Variants in RPS6KC1 observed in about 807,000 individuals in gnomAD.
RPS6KC1 encodes inactive ribosomal protein S6 kinase delta-1.
In RPS6KC1, 54 loss-of-function variants were observed where a neutral mutation model predicts 103.8. The ratio of observed to expected loss-of-function variants is 0.52; its 90% CI spans 0.42 to 0.65. RPS6KC1 has a LOEUF of 0.65. Among genes scored for constraint, RPS6KC1 ranks in the 30% least tolerant of loss-of-function variants. The probability of loss-of-function intolerance (pLI) is 0.00; values close to 1 mark genes in which losing one functional copy is unlikely to be tolerated. For synonymous variants in RPS6KC1, 439 were observed against 438.7 expected, an observed-to-expected ratio of 1.00 and a Z score of -0.01; for missense variants, 1,151 against 1,253.8, an observed-to-expected ratio of 0.92 and a Z score of 1.24.
chr1:213,415,432 G>C, the RPS6KC1 span, among the ~76,000 whole-genome samples: 2 of 152,192 alleles, frequency 1.3e-5, no homozygotes, highest in Non-Finnish European at 2.9e-5. Flanking sequence ...AAGAGGACTC[G>C]GTTCTGCTTT....
chr1:213,176,665 C>G (rs555385551), intron 8 of RPS6KC1, 173 bp downstream of exon 8: 10 of 424,192 alleles, frequency 2.4e-5, no homozygotes, highest in African/African-American at 1.7e-4. Flanking sequence ...CTGAGCAATT[C>G]ATGTAAGGTC....
rs1365763624 is a variant in RPS6KC1 at position 213,104,548 on chromosome 1, A to C, written c.357A>C (p.Lys119Asn). 6.3e-7 allele frequency: 1 copy of C among 1,599,934 alleles called. No homozygotes were observed. The highest frequency in any genetic ancestry group is 2.2e-5 in the East Asian group (1 of 44,474). Residue 119 changes from lysine (K) to asparagine (N), a missense_variant, in exon 4 of 15, where the codon AAA becomes AAC. Transcript: ENST00000366960. Reference sequence around the variant, plus strand: ...ATATTCCTGCTCTTTACAATAGTAAACAGCTTGAAGACTTTTTCAAGGTTT... The same window carrying C: ...ATATTCCTGCTCTTTACAATAGTAACCAGCTTGAAGACTTTTTCAAGGTTT... The part of the protein sequence containing the change: ...SANIPALYNS[K>N]QLEDFFKGGI...
the RPS6KC1 span, among the ~76,000 whole-genome samples, chr1:213,311,918 G>A: frequency 2.3e-5 from 3 of 130,606 alleles, no homozygotes; most frequent in Admixed American, 8.6e-5. Flanking sequence ...TTTTTCCCAA[G>A]ATGGAGTCTT....
chr1:213,511,347 C>T, the RPS6KC1 span, among the ~76,000 whole-genome samples: 1 of 152,232 alleles, frequency 6.6e-6, no homozygotes, highest in East Asian at 2.0e-4. Context: ...CCTGCTCTGG[C>T]AAGCCGGGGC....
chr1:213,439,801 T>C, the RPS6KC1 span, among the ~76,000 whole-genome samples: 2 of 151,574 alleles, frequency 1.3e-5, no homozygotes, highest in Non-Finnish European at 2.9e-5. Flanking sequence ...AAGGTGTTGG[T>C]GAATCAATAA....
At chr1:213,224,417 G>A (rs1315764443) in intron 8 of RPS6KC1, among the ~76,000 whole-genome samples, 2 of 152,044 alleles carry the variant, frequency 1.3e-5, no homozygotes, top group African/African-American at 4.8e-5. Flanking sequence ...ATTAGTATGG[G>A]CAAAGATGAA....
the RPS6KC1 span, among the ~76,000 whole-genome samples, chr1:213,434,719 G>T: frequency 6.6e-6 from 1 of 151,988 alleles, no homozygotes; most frequent in Admixed American, 6.5e-5. Flanking sequence ...GCCTCCCAGT[G>T]GGCTGGGATT....
At chr1:213,559,194 A>G in the RPS6KC1 span, among the ~76,000 whole-genome samples, 1 of 152,182 alleles carries the variant, frequency 6.6e-6, no homozygotes, top group Non-Finnish European at 1.5e-5. Context: ...ACAGGAGGGA[A>G]TTGACTTGCT....
the RPS6KC1 span, among the ~76,000 whole-genome samples, chr1:213,484,277 G>A: frequency 4.0e-3 from 613 of 152,300 alleles, 1 homozygote; most frequent in African/African-American, 0.014. Flanking sequence ...AGGAATCCAG[G>A]TGCTGCTCAG....
the RPS6KC1 span, among the ~76,000 whole-genome samples, chr1:213,720,792 C>A: frequency 1.3e-5 from 2 of 152,140 alleles, no homozygotes; most frequent in African/African-American, 4.8e-5. Flanking sequence ...GTTTTGACAC[C>A]ATGTGACATT....
intron 6 of RPS6KC1, among the ~76,000 whole-genome samples, chr1:213,152,573 G>A (rs1360803112): frequency 1.3e-5 from 2 of 150,096 alleles, no homozygotes; most frequent in East Asian, 2.0e-4. Flanking sequence ...GGTTGCCGCC[G>A]GGCAGAGGTG....
At position 213,242,199 on chromosome 1, in the gene RPS6KC1, G is replaced by A. The variant is rs774240362; in HGVS notation, c.2723G>A (p.Arg908Lys). 3.7e-6 allele frequency: 6 copies of A among 1,613,860 alleles called. No homozygotes were observed. The highest frequency in any genetic ancestry group is 1.7e-5 in the Admixed American group (1 of 59,958). The stretch of plus-strand genomic sequence containing the variant: ...TACATCCCAGAGGGCTGCATTCAAA[G>A]ATGGGCAGCTGAAATGGTGGTAGCC... ...RFYIPEGCIQ[R>K]WAAEMVVALD... Residue 908 changes from arginine (R) to lysine (K), a missense_variant, in exon 11 of 15, where the codon AGA (arginine) becomes AAA (lysine). Around this residue, in one of 3 missense-constraint regions of RPS6KC1, gnomAD observed 189 missense variants for 228.8 expected, o/e 0.83. Transcript: ENST00000366960.
the RPS6KC1 span, among the ~76,000 whole-genome samples, chr1:213,765,084 A>C: frequency 6.6e-6 from 1 of 152,154 alleles, no homozygotes; most frequent in Non-Finnish European, 1.5e-5. Context: ...CACCGAGGGA[A>C]GTGGTCATCC....
At chr1:213,841,006 T>C in the RPS6KC1 span, 1 of 152,224 alleles carries the variant, frequency 6.6e-6, no homozygotes. Context: ...AAAGACACAG[T>C]CTTTTAGGCT....
chr1:213,145,967 GTTTTTTTTTTTTT>G (rs71573864), intron 6 of RPS6KC1, among the ~76,000 whole-genome samples: 9 of 47,804 alleles, frequency 1.9e-4, no homozygotes, highest in East Asian at 7.0e-4. Context: ...CATTCATTCT[GTTTTTTTTTTTTT>G]TTTTTTTTTT....
intron 8 of RPS6KC1, among the ~76,000 whole-genome samples, chr1:213,226,213 ACT>A (rs2093958394): frequency 7.9e-6 from 1 of 126,114 alleles, no homozygotes; most frequent in Non-Finnish European, 1.8e-5. Context: ...ACAAAGCAAG[ACT>A]CTGTCTCAAA....
the RPS6KC1 span, among the ~76,000 whole-genome samples, chr1:213,809,726 G>A: frequency 6.6e-6 from 1 of 152,090 alleles, no homozygotes; most frequent in Non-Finnish European, 1.5e-5. Context: ...AAGGCACTGG[G>A]GGACCCTTTC....
At chr1:213,440,746 C>A in the RPS6KC1 span, among the ~76,000 whole-genome samples, 5 of 152,208 alleles carry the variant, frequency 3.3e-5, 1 homozygote, top group Admixed American at 3.3e-4. Context: ...TGTAGCATTT[C>A]TCATAGATGG....
At chr1:213,603,744 C>T in the RPS6KC1 span, among the ~76,000 whole-genome samples, 1 of 151,946 alleles carries the variant, frequency 6.6e-6, no homozygotes, top group Non-Finnish European at 1.5e-5. Context: ...CCTGTAATCT[C>T]AGCTACTTGG....
Sources: allele counts gnomAD v4.1 joint callset (sites outside exome capture counted in the v4.1 genomes callset), GRCh38; gene constraint gnomAD v4.1.1; regional missense constraint gnomAD v4.1.1; transcripts MANE v1.5; gene names NCBI Gene and HGNC (gene_info 2026-07-23, HGNC 2026-07-21).